The following PDE3B variants were observed in gnomAD, a reference collection of about 807,000 sequenced individuals.
PDE3B encodes the protein cGMP-inhibited 3',5'-cyclic phosphodiesterase 3B.
In PDE3B, 66 loss-of-function variants were observed where a neutral mutation model predicts 116.8. The ratio of observed to expected loss-of-function variants is 0.56; its 90% CI spans 0.46 to 0.69. The LOEUF is 0.69. PDE3B is among the 30% of genes least tolerant of loss of function. The probability of loss-of-function intolerance (pLI) is 0.00; values close to 1 mark genes in which losing one functional copy is unlikely to be tolerated. For synonymous variants in PDE3B, 595 were observed against 533.6 expected (o/e 1.12, Z -1.59); for missense variants, 1,384 against 1,368.1 (o/e 1.01, Z -0.18).
chr11:14,879,537 C>T, the PDE3B span: 4 of 958,664 alleles, frequency 4.2e-6, no homozygotes, highest in Non-Finnish European at 4.8e-6. Flanking sequence ...TAACCTATAA[C>T]AAGCCAATAG....
At chr11:14,821,819 G>A (rs1272446530) in intron 7 of PDE3B, among the ~76,000 whole-genome samples, 1 of 152,010 alleles carries the variant, frequency 6.6e-6, no homozygotes, top group Non-Finnish European at 1.5e-5. Flanking sequence ...AAATTTTACA[G>A]GGGAGAAAGC....
intron 1 of PDE3B, among the ~76,000 whole-genome samples, chr11:14,663,292 A>G (rs1480160637): frequency 1.3e-5 from 2 of 152,134 alleles, no homozygotes; most frequent in Non-Finnish European, 2.9e-5. Flanking sequence ...CTGCCCTAAA[A>G]GAGCTCCTGA....
At chr11:14,649,495 C>A (rs1590029074) in intron 1 of PDE3B, among the ~76,000 whole-genome samples, 1 of 152,232 alleles carries the variant, frequency 6.6e-6, no homozygotes, top group East Asian at 1.9e-4. Context: ...ACTCCTAGTC[C>A]ACTTTTACTT....
intron 2 of PDE3B, among the ~76,000 whole-genome samples, chr11:14,779,468 T>A (rs1477247475): frequency 6.6e-6 from 1 of 152,210 alleles, no homozygotes; most frequent in Admixed American, 6.5e-5. Flanking sequence ...ACAGCGGATC[T>A]CTCGGCAGAA....
chr11:14,833,437 T>C (rs188886708), intron 10 of PDE3B, among the ~76,000 whole-genome samples: 2 of 152,294 alleles, frequency 1.3e-5, no homozygotes, highest in East Asian at 3.9e-4. Context: ...TGATCTGCTT[T>C]TTCACCTGGT....
intron 1 of PDE3B, among the ~76,000 whole-genome samples, chr11:14,692,975 G>C (rs958938537): frequency 2.0e-5 from 3 of 152,186 alleles, no homozygotes; most frequent in Admixed American, 6.5e-5. Context: ...CAAAGGAAAA[G>C]TTCTTGAAGG....
chr11:14,715,789 G>T (rs531223224), intron 1 of PDE3B, among the ~76,000 whole-genome samples: 1 of 152,014 alleles, frequency 6.6e-6, no homozygotes, highest in African/African-American at 2.4e-5. Flanking sequence ...AACTTCCAAC[G>T]CTATGTTGAA....
chr11:14,644,188 C>T lies in PDE3B; in HGVS notation c.113C>T (p.Pro38Leu). 2 of 1,597,660 alleles carry T rather than the reference C, an allele frequency of 1.3e-6. No individual in the cohort carries two copies. The highest frequency in any genetic ancestry group is 2.3e-5 in the East Asian group (1 of 44,102). The part of the protein sequence containing the change: ...RNGYVKSCVS[P>L]LRQDPPRGFF... ...GGCTACGTGAAGAGCTGCGTGAGCC[C>T]CTTGCGGCAGGACCCTCCGCGCGGC... is the stretch of plus-strand genomic sequence containing the variant. The change falls in exon 1 of 16, where the codon CCC becomes CTC. Residue 38 changes from proline to leucine, a missense_variant. Transcript: ENST00000282096.
intron 5 of PDE3B, 149 bp downstream of exon 5, chr11:14,804,199 AT>A: frequency 3.5e-6 from 2 of 578,604 alleles, no homozygotes; most frequent in Non-Finnish European, 6.1e-6. Context: ...TTGGCTACTA[AT>A]TGACCGTTTG....
chr11:14,661,810 G>A (rs1310127717), intron 1 of PDE3B, among the ~76,000 whole-genome samples: 2 of 152,214 alleles, frequency 1.3e-5, no homozygotes, highest in African/African-American at 2.4e-5. Context: ...AGGTAAGCTC[G>A]AACTGGGTGG....
the PDE3B span, among the ~76,000 whole-genome samples, chr11:14,884,861 C>A: frequency 6.6e-6 from 1 of 151,878 alleles, no homozygotes; most frequent in Non-Finnish European, 1.5e-5. Context: ...CTTTCATTTT[C>A]ATCATCTTTT....
intron 10 of PDE3B, among the ~76,000 whole-genome samples, chr11:14,834,780 T>G (rs1431675266): frequency 6.6e-6 from 1 of 152,260 alleles, no homozygotes; most frequent in Non-Finnish European, 1.5e-5. Flanking sequence ...TTGGCACCTT[T>G]ACTATGTTTT....
At position 14,644,449 on chromosome 11, in the gene PDE3B, T is replaced by G; in HGVS notation, c.374T>G (p.Ile125Ser). The G allele has an allele frequency of 6.2e-7, 1 of 1,613,198 alleles. No homozygotes were observed. Among genetic ancestry groups the G allele is most frequent in the Middle Eastern group, 1.7e-4 (1 of 6,060 alleles). The change falls in exon 1 of 16, where the codon ATC (isoleucine) becomes AGC (serine). Residue 125 changes from isoleucine to serine, a missense_variant. Physicochemically the swap from Ile to Ser is moderately radical, Grantham distance 142. Around this residue, in one of 2 missense-constraint regions of PDE3B, gnomAD observed 956 missense variants for 806.8 expected, o/e 1.18. Transcript: ENST00000282096. Reference protein sequence around the residue: ...CSHSLSPLFSIACAFFFLTCF... With the variant: ...CSHSLSPLFSSACAFFFLTCF... Reference sequence around the variant, plus strand: ...CACAGCTTGAGCCCCCTCTTCAGCATCGCCTGTGCCTTCTTCTTCCTCACC... The same window carrying G: ...CACAGCTTGAGCCCCCTCTTCAGCAGCGCCTGTGCCTTCTTCTTCCTCACC...
intron 1 of PDE3B, among the ~76,000 whole-genome samples, chr11:14,750,114 C>A (rs1241856676): frequency 6.6e-6 from 1 of 151,324 alleles, no homozygotes; most frequent in African/African-American, 2.4e-5. Flanking sequence ...TCCTATTCAG[C>A]CTTTTGGTTC....
Position 14,644,861 on chromosome 11 carries a change from G to T in PDE3B, c.786G>T (p.Gly262=). The change falls in exon 1 of 16, where the codon GGG becomes GGT. Residue 262 remains glycine (G), a synonymous_variant. Coordinates refer to ENST00000282096, the MANE Select transcript of PDE3B (RefSeq NM_000922.4). ...VGGAGCLLAL[G]LDHFFQIREA... ...GCGCTGGCTGCCTGCTGGCCCTGGG[G>T]TTGGATCACTTCTTTCAAATCAGGG... 1 of 1,613,766 alleles carries T rather than the reference G, an allele frequency of 6.2e-7. No individual in the cohort carries two copies. Among genetic ancestry groups the T allele is most frequent in the Non-Finnish European group, 8.5e-7 (1 of 1,179,846 alleles).
At chr11:14,695,573 A>G (rs1855183552) in intron 1 of PDE3B, among the ~76,000 whole-genome samples, 1 of 151,968 alleles carries the variant, frequency 6.6e-6, no homozygotes, top group Non-Finnish European at 1.5e-5. Flanking sequence ...GGTTACATAG[A>G]TAAACATGTG....
the PDE3B span, chr11:14,878,271 A>G: frequency 6.2e-7 from 1 of 1,613,090 alleles, no homozygotes; most frequent in East Asian, 2.2e-5. Flanking sequence ...ATCCGAGCCA[A>G]GTGTTCTCCA....
chr11:14,892,113 C>T, the PDE3B span: 1 of 1,611,678 alleles, frequency 6.2e-7, no homozygotes, highest in Admixed American at 1.7e-5. Context: ...GCCTCTGCTT[C>T]AGCAGCTGGC....
At chr11:14,821,235 A>G (rs1196788128) in intron 7 of PDE3B, among the ~76,000 whole-genome samples, 2 of 152,208 alleles carry the variant, frequency 1.3e-5, no homozygotes, top group Non-Finnish European at 1.5e-5. Flanking sequence ...CCAAGAGAGT[A>G]GGAAGTGGAA....
Sources: allele counts gnomAD v4.1 joint callset (sites outside exome capture counted in the v4.1 genomes callset), GRCh38; gene constraint gnomAD v4.1.1; regional missense constraint gnomAD v4.1.1; transcripts MANE v1.5; gene names NCBI Gene and HGNC (gene_info 2026-07-23, HGNC 2026-07-21).